The following TTLL5 variants were observed in gnomAD, a reference collection of about 807,000 sequenced individuals.
TTLL5 encodes tubulin polyglutamylase TTLL5.
TTLL5 carries 132 observed loss-of-function variants against 168.4 expected under a neutral mutation model. The ratio of observed to expected loss-of-function variants is 0.78; its 90% CI spans 0.68 to 0.91. The LOEUF is 0.91. Among genes scored for constraint, TTLL5 ranks in the 40% least tolerant of loss-of-function variants. The pLI is 0.00. For missense variants in TTLL5, 1,545 were observed against 1,581.5 expected (o/e 0.98, Z 0.39); for synonymous variants, 546 against 558.6 (o/e 0.98, Z 0.32).
chr14:75,805,664 T>G (rs1165041611), intron 27 of TTLL5, among the ~76,000 whole-genome samples: 1 of 152,232 alleles, frequency 6.6e-6, no homozygotes, highest in South Asian at 2.1e-4. Context: ...TTCAAAATAC[T>G]TGATGTATTT....
chr14:75,836,029 C>T (rs1895847252), intron 28 of TTLL5, among the ~76,000 whole-genome samples: 2 of 152,178 alleles, frequency 1.3e-5, no homozygotes, highest in Admixed American at 6.5e-5. Context: ...ACCCAGCAGT[C>T]CCACTCCTAG....
In TTLL5 at chr14:75,954,735, C is replaced by T; in HGVS notation, c.*289C>T. On this transcript the variant is annotated 3_prime_UTR_variant, in exon 32 of 32. Coordinates refer to ENST00000298832, the MANE Select transcript of TTLL5 (RefSeq NM_015072.5). ...GAGCACACTTGTATCTTTTACCTTC[C>T]CTTTGCCCCATGCCCCCAAACTGCT... 4.3e-6 allele frequency: 2 copies of T among 460,598 alleles called. No individual in the cohort carries two copies. 28.5% of individuals were successfully genotyped at this position (460,598 alleles called of 1,614,324 possible). A position where few individuals can be genotyped will look rare whatever the true frequency, so the allele number is the denominator to read the frequency against.
intron 31 of TTLL5, 80 bp downstream of exon 31, chr14:75,902,304 C>T (rs1179819175): frequency 8.0e-6 from 11 of 1,369,146 alleles, no homozygotes; most frequent in Non-Finnish European, 1.1e-5. Context: ...CTTCTGCCTC[C>T]AAAGAGAGCC....
At chr14:75,735,426 C>A in intron 15 of TTLL5, 137 bp downstream of exon 15, 1 of 735,232 alleles carries the variant, frequency 1.4e-6, no homozygotes, top group Non-Finnish European at 2.4e-6. Flanking sequence ...AGACAGGAGG[C>A]AGTTATATTC....
intron 31 of TTLL5, among the ~76,000 whole-genome samples, chr14:75,942,803 T>C (rs1228319445): frequency 6.6e-6 from 1 of 152,262 alleles, no homozygotes; most frequent in Non-Finnish European, 1.5e-5. Flanking sequence ...TAAGTGTGTT[T>C]GTTGGACTCC....
At chr14:75,754,105 T>C (rs545307817) in intron 18 of TTLL5, among the ~76,000 whole-genome samples, 2 of 152,210 alleles carry the variant, frequency 1.3e-5, no homozygotes, top group Non-Finnish European at 2.9e-5. Flanking sequence ...CAAAACTAAA[T>C]TAATCTTCAA....
At chr14:75,695,814 T>G in intron 6 of TTLL5, among the ~76,000 whole-genome samples, 1 of 13,664 alleles carries the variant, frequency 7.3e-5, no homozygotes, top group Non-Finnish European at 1.6e-4. Flanking sequence ...TCCCCTCCCC[T>G]CCCCTCCCCG....
intron 18 of TTLL5, among the ~76,000 whole-genome samples, chr14:75,761,535 CA>C (rs1890650378): frequency 6.6e-6 from 1 of 152,164 alleles, no homozygotes; most frequent in East Asian, 1.9e-4. Context: ...CTGACACACA[CA>C]AGAGTGAATC....
intron 17 of TTLL5, among the ~76,000 whole-genome samples, chr14:75,751,176 A>G (rs1012519372): frequency 6.6e-6 from 1 of 152,188 alleles, no homozygotes; most frequent in Non-Finnish European, 1.5e-5. Context: ...CTGAGCACTT[A>G]TCATGCACTG....
At chr14:75,816,258 C>G (rs1894387106) in intron 27 of TTLL5, among the ~76,000 whole-genome samples, 1 of 151,974 alleles carries the variant, frequency 6.6e-6, no homozygotes, top group South Asian at 2.1e-4. Flanking sequence ...AATCCTGTCT[C>G]TACTAAAAAT....
intron 30 of TTLL5, among the ~76,000 whole-genome samples, chr14:75,896,083 A>G (rs1338550265): frequency 6.6e-6 from 1 of 152,210 alleles, no homozygotes; most frequent in Non-Finnish European, 1.5e-5. Flanking sequence ...ACAAAAGTTG[A>G]CTTCACTAAA....
intron 30 of TTLL5, among the ~76,000 whole-genome samples, chr14:75,887,899 A>G (rs879724741): frequency 1.3e-5 from 2 of 152,244 alleles, no homozygotes; most frequent in Non-Finnish European, 2.9e-5. Flanking sequence ...TGCCACTCGT[A>G]TTAGAGGTGC....
At chr14:75,873,972 CT>C (rs1450256112) in intron 29 of TTLL5, among the ~76,000 whole-genome samples, 6 of 152,040 alleles carry the variant, frequency 3.9e-5, no homozygotes, top group African/African-American at 1.2e-4. Flanking sequence ...CTAATAGTTA[CT>C]TACTTGAACA....
intron 20 of TTLL5, among the ~76,000 whole-genome samples, chr14:75,767,192 GT>G (rs548658146): frequency 1.5e-3 from 229 of 151,358 alleles, no homozygotes; most frequent in African/African-American, 5.2e-3. Flanking sequence ...ACATAGAGGT[GT>G]GATAATACAG....
In TTLL5 at chr14:75,863,786, A is replaced by G. The variant is rs767838470; in HGVS notation, c.3446A>G (p.Gln1149Arg). 6.2e-7 allele frequency: 1 copy of G among 1,613,748 alleles called. No homozygotes were observed. The highest frequency in any genetic ancestry group is 8.5e-7 in the Non-Finnish European group (1 of 1,179,950). Residue 1149 changes from glutamine (Q) to arginine (R), a missense_variant, in exon 29 of 32, where the codon CAA (glutamine) becomes CGA (arginine). Gln to Arg is a conservative substitution (Grantham distance 43). Transcript: ENST00000298832. ...YHPTAGSYQL[Q>R]FALQQLEQQK... ...CCCACAGCAGGCAGCTATCAGCTTC[A>G]ATTTGCCCTGCAGCAACTTGAACAA... is the stretch of plus-strand genomic sequence containing the variant.
intron 5 of TTLL5, among the ~76,000 whole-genome samples, chr14:75,688,131 C>T (rs1386061974): frequency 6.6e-6 from 1 of 152,144 alleles, no homozygotes; most frequent in African/African-American, 2.4e-5. Flanking sequence ...TAACTGGTGC[C>T]TGGCAGTCCC....
At chr14:75,910,884 C>T (rs941748758) in intron 31 of TTLL5, among the ~76,000 whole-genome samples, 1 of 152,176 alleles carries the variant, frequency 6.6e-6, no homozygotes, top group Non-Finnish European at 1.5e-5. Flanking sequence ...AAACAGTAGT[C>T]TCTTATACTT....
intron 31 of TTLL5, among the ~76,000 whole-genome samples, chr14:75,934,863 G>C (rs1313653056): frequency 6.6e-6 from 1 of 152,192 alleles, no homozygotes; most frequent in Non-Finnish European, 1.5e-5. Flanking sequence ...TGGGTTCCGG[G>C]TGAGCATGCA....
intron 2 of TTLL5, among the ~76,000 whole-genome samples, chr14:75,667,901 C>T (rs1248903266): frequency 6.6e-6 from 1 of 151,928 alleles, no homozygotes; most frequent in East Asian, 1.9e-4. Flanking sequence ...GCTGGGACTA[C>T]AGGTGCGGGC....
Sources: allele counts gnomAD v4.1 joint callset (sites outside exome capture counted in the v4.1 genomes callset), GRCh38; gene constraint gnomAD v4.1.1; transcripts MANE v1.5; gene names NCBI Gene and HGNC (gene_info 2026-07-23, HGNC 2026-07-21).